HEXA: variants seen among roughly 807,000 people sequenced by gnomAD.
HEXA encodes the protein beta-hexosaminidase subunit alpha.
In HEXA, 54 loss-of-function variants were observed where a neutral mutation model predicts 73.3. The ratio of observed to expected loss-of-function variants is 0.74; its 90% CI spans 0.59 to 0.92. The LOEUF (loss-of-function observed/expected upper bound fraction) is 0.92. HEXA is among the 40% of genes least tolerant of loss of function. HEXA has a pLI of 0.00. For missense variants in HEXA, 649 were observed against 653.0 expected (o/e 0.99, Z 0.07); for synonymous variants, 230 against 246.9 (o/e 0.93, Z 0.64).
chr15:72,352,366 C>T lies in HEXA; in HGVS notation c.570+702G>A, dbSNP rs1053254259. Reference sequence around the variant, plus strand: ...CCTGTAATTCTACCACTCTGGCAGGCCAAGGTGGGCAGATTGCTTGAGCCC... The same window carrying T: ...CCTGTAATTCTACCACTCTGGCAGGTCAAGGTGGGCAGATTGCTTGAGCCC... On this transcript the variant is annotated intron_variant, in intron 5 of 13. Transcript: ENST00000268097. Among the ~76,000 whole-genome samples, 4 of 151,406 alleles carry T rather than the reference C, an allele frequency of 2.6e-5. 1 individual carries two copies. In the South Asian group the frequency reaches 8.3e-4, roughly 32 times the overall value.
chr15:72,367,211 G>A (rs2088929188), intron 1 of HEXA, among the ~76,000 whole-genome samples: 1 of 152,256 alleles, frequency 6.6e-6, no homozygotes, highest in Non-Finnish European at 1.5e-5. Flanking sequence ...CCAAAGTGCT[G>A]GGATTACAGG....
chr15:72,361,661 C>T (rs777645417), intron 1 of HEXA, among the ~76,000 whole-genome samples: 1 of 152,224 alleles, frequency 6.6e-6, no homozygotes, highest in African/African-American at 2.4e-5. Context: ...TTCTTCTACA[C>T]CTTCCATCTA....
chr15:72,375,523 A>G (rs2089051129), intron 1 of HEXA, among the ~76,000 whole-genome samples, 197 bp downstream of exon 1: 1 of 152,198 alleles, frequency 6.6e-6, no homozygotes, highest in South Asian at 2.1e-4. Context: ...TTTTCCATAA[A>G]TTAATCTCCT....
chr15:72,374,119 T>C (rs965512491), intron 1 of HEXA, among the ~76,000 whole-genome samples: 2 of 152,212 alleles, frequency 1.3e-5, no homozygotes, highest in African/African-American at 4.8e-5. Context: ...CTCTGTTTCA[T>C]ATTTTCGCAA....
At chr15:72,358,767 G>A (rs182673269) in intron 1 of HEXA, 1 of 152,368 alleles carries the variant, frequency 6.6e-6, no homozygotes, top group East Asian at 1.9e-4. Flanking sequence ...AGGGATGTTT[G>A]GGGGAGGCAG....
intron 12 of HEXA, 34 bp downstream of exon 12, chr15:72,346,201 C>G: frequency 6.5e-7 from 1 of 1,532,972 alleles, no homozygotes; most frequent in South Asian, 1.1e-5. Flanking sequence ...TGCTCTCAGG[C>G]CCAACCCTCC....
At chr15:72,346,363 G>T in intron 11 of HEXA, 38 bp from the exon 12 acceptor site, 1 of 1,570,400 alleles carries the variant, frequency 6.4e-7, no homozygotes. Flanking sequence ...GGTGATGGTG[G>T]GGTAACTCCA....
chr15:72,358,724 G>C (rs1023673693), intron 1 of HEXA: 1 of 152,148 alleles, frequency 6.6e-6, no homozygotes, highest in Non-Finnish European at 1.5e-5. Flanking sequence ...AAGTAGATAC[G>C]GGGGCATGGC....
At chr15:72,346,949 C>T (rs2088623190) in intron 10 of HEXA, among the ~76,000 whole-genome samples, 1 of 151,990 alleles carries the variant, frequency 6.6e-6, no homozygotes, top group African/African-American at 2.4e-5. Context: ...TCCCTGTCCA[C>T]ACAGAGCTAG....
chr15:72,354,132 C>T (rs1300143209), intron 3 of HEXA: 1 of 216,876 alleles, frequency 4.6e-6, no homozygotes, highest in Non-Finnish European at 9.2e-6. Flanking sequence ...TAACCCCTAT[C>T]AGGAGCTAAG....
At chr15:72,351,092 C>T (rs773862194) in intron 6 of HEXA, 41 bp downstream of exon 6, 2 of 1,286,082 alleles carry the variant, frequency 1.6e-6, no homozygotes, top group East Asian at 4.6e-5. Flanking sequence ...CAGATTCAGA[C>T]ATTGACCCAT....
intron 1 of HEXA, among the ~76,000 whole-genome samples, chr15:72,362,060 G>A (rs1277470228): frequency 6.6e-6 from 1 of 152,196 alleles, no homozygotes; most frequent in Non-Finnish European, 1.5e-5. Flanking sequence ...GTAATCATAA[G>A]AAAATGCCTT....
intron 1 of HEXA, among the ~76,000 whole-genome samples, chr15:72,362,732 T>G (rs891066751): frequency 6.6e-6 from 1 of 152,104 alleles, no homozygotes; most frequent in Non-Finnish European, 1.5e-5. Context: ...GAGGAAGAAC[T>G]CGTTGCTGTA....
rs894765619 is a variant in HEXA at position 72,343,375 on chromosome 15, G to A, written c.*702C>T. The A allele has an allele frequency of 2.0e-5, 3 of 152,296 alleles. No individual in the cohort carries two copies. The highest frequency in any genetic ancestry group is 4.8e-5 in the African/African-American group (2 of 41,516). The allele number at this position is 152,296 out of a possible 1,614,324, so 9.4% of individuals were successfully genotyped here. On this transcript the variant is annotated 3_prime_UTR_variant, in exon 14 of 14. Coordinates refer to ENST00000268097, the MANE Select transcript of HEXA (RefSeq NM_000520.6). ...GTGCCACTGCACTGTCAGCCTGGGC[G>A]ACAGAGTTTTTGAGACAGTCTCAAA... is the stretch of plus-strand genomic sequence containing the variant.
At chr15:72,349,324 C>T (rs1345688103) in intron 7 of HEXA, 65 bp from the exon 8 acceptor site, 1 of 1,240,242 alleles carries the variant, frequency 8.1e-7, no homozygotes, top group African/African-American at 1.5e-5. Context: ...CAGTCCTACA[C>T]GTAAGGACAC....
In HEXA at chr15:72,346,631, T is replaced by C. The variant is rs752583618; in HGVS notation, c.1226A>G (p.Lys409Arg). ...AGAGAGAAGGGCCCGGAAGCCGGCC[T>C]TGGTGACCAGTTCCAGCTCCTTCAT... is the stretch of plus-strand genomic sequence containing the variant. ...NYMKELELVTKAGFRALLSAP... is the reference protein window; with the variant it reads ...NYMKELELVTRAGFRALLSAP... Residue 409 changes from lysine to arginine, a missense_variant, in exon 11 of 14, where the codon AAG (lysine) becomes AGG (arginine). By Grantham distance (26) the Lys-to-Arg change is conservative. Coordinates refer to ENST00000268097, the MANE Select transcript of HEXA (RefSeq NM_000520.6). 155 of 1,613,982 alleles carry C rather than the reference T, an allele frequency of 9.6e-5. No individual in the cohort carries two copies. The highest frequency in any genetic ancestry group is 1.3e-4 in the Non-Finnish European group (154 of 1,180,004).
At chr15:72,355,711 CT>C (rs1294968699) in intron 2 of HEXA, 87 bp from the exon 3 acceptor site, 2 of 880,382 alleles carry the variant, frequency 2.3e-6, no homozygotes, top group Non-Finnish European at 3.7e-6. Context: ...AATCACTGGA[CT>C]AAAAAAAAAA....
rs192607365 is a variant in HEXA at position 72,364,921 on chromosome 15, A to T, written c.254-8304T>A. Among the ~76,000 whole-genome samples the T allele has an allele frequency of 2.4e-3, 357 of 151,244 alleles. 4 individuals are homozygous for T. Among genetic ancestry groups the T allele is most frequent in the African/African-American group, 1.8e-3 (75 of 41,174 alleles). ...ACTGCAGCCTCAACCTCCTAGGCTC[A>T]AGTGATCCTCCTGCCTCAGCCTCCC... On this transcript the variant is annotated intron_variant, in intron 1 of 13. Coordinates refer to ENST00000268097, the MANE Select transcript of HEXA (RefSeq NM_000520.6).
chr15:72,366,199 C>G (rs373410856), intron 1 of HEXA, among the ~76,000 whole-genome samples: 1 of 152,220 alleles, frequency 6.6e-6, no homozygotes, highest in Non-Finnish European at 1.5e-5. Context: ...ATTCCACCAC[C>G]ACCAAGTAAT....
Sources: allele counts gnomAD v4.1 joint callset (sites outside exome capture counted in the v4.1 genomes callset), GRCh38; gene constraint gnomAD v4.1.1; transcripts MANE v1.5; gene names NCBI Gene and HGNC (gene_info 2026-07-23, HGNC 2026-07-21).